Variants in GTF3C1 observed in about 807,000 individuals in gnomAD.
GTF3C1 encodes the protein general transcription factor IIIC subunit 1.
Under a neutral mutation model 226.7 loss-of-function variants are expected in GTF3C1, and 57 were observed. The ratio of observed to expected loss-of-function variants is 0.25; its 90% CI spans 0.20 to 0.31. GTF3C1 has a LOEUF of 0.31. GTF3C1 is among the 10% of genes least tolerant of loss of function. GTF3C1 has a pLI of 1.00. For synonymous variants in GTF3C1, 1,090 were observed against 1,084.8 expected (o/e 1.00, Z -0.09); for missense variants, 2,217 against 2,776.1 (o/e 0.80, Z 4.53).
intron 6 of GTF3C1, among the ~76,000 whole-genome samples, chr16:27,527,587 T>A (rs2088852494): frequency 6.6e-6 from 1 of 152,230 alleles, no homozygotes; most frequent in African/African-American, 2.4e-5. Context: ...TTCTGTAAGT[T>A]ACTCAGCATC....
At position 27,463,768 on chromosome 16, in the gene GTF3C1, G is replaced by A; in HGVS notation, c.5873-176C>T. Reference sequence around the variant, plus strand: ...GAGCGGCCACCCTGGAGGTGGCAGGGCCGGGCAGACTGCCGCACACAGCGC... The same window carrying A: ...GAGCGGCCACCCTGGAGGTGGCAGGACCGGGCAGACTGCCGCACACAGCGC... On this transcript the variant is annotated intron_variant, in intron 34 of 36. Transcript: ENST00000356183. The surrounding 1 kb of genome is among the most constrained non-coding windows in gnomAD (Gnocchi z 4.9). The A allele has an allele frequency of 1.5e-6, 1 of 650,416 alleles. No individual in the cohort carries two copies. Among genetic ancestry groups the A allele is most frequent in the South Asian group, 1.7e-5 (1 of 59,630 alleles). The allele number at this position is 650,416 out of a possible 1,614,324, so 40.3% of individuals were successfully genotyped here. A position where few individuals can be genotyped will look rare whatever the true frequency, so the allele number is the denominator to read the frequency against.
chr16:27,464,301 G>C lies in GTF3C1; in HGVS notation c.5872+19C>G. On this transcript the variant is annotated intron_variant, in intron 34 of 36. Transcript: ENST00000356183. Reference sequence around the variant, plus strand: ...GCCAGGGTGGGGTGAGGTGGGGTGGGGGACAAGGCGCGCGGTACCTCTGGG... The same window carrying C: ...GCCAGGGTGGGGTGAGGTGGGGTGGCGGACAAGGCGCGCGGTACCTCTGGG... 7.0e-7 allele frequency: 1 copy of C among 1,433,304 alleles called. No homozygotes were observed. Among genetic ancestry groups the C allele is most frequent in the Non-Finnish European group, 9.2e-7 (1 of 1,088,546 alleles). 88.8% of individuals were successfully genotyped at this position (1,433,304 alleles called of 1,614,324 possible).
chr16:27,519,077 A>T (rs1449226635), intron 6 of GTF3C1, among the ~76,000 whole-genome samples: 1 of 152,166 alleles, frequency 6.6e-6, no homozygotes, highest in African/African-American at 2.4e-5. Flanking sequence ...AGAAAGAGAC[A>T]GGATGGGGCT....
chr16:27,526,606 T>C (rs964037203), intron 6 of GTF3C1, among the ~76,000 whole-genome samples: 7 of 152,262 alleles, frequency 4.6e-5, no homozygotes, highest in African/African-American at 1.7e-4. Flanking sequence ...TGTCAGTTTT[T>C]GGCTATCGCC....
chr16:27,509,539 C>CTG (rs1680434040), intron 7 of GTF3C1, among the ~76,000 whole-genome samples: 1 of 151,772 alleles, frequency 6.6e-6, no homozygotes, highest in South Asian at 2.1e-4. Flanking sequence ...GGGCGGATCA[C>CTG]GAGGTCAGGA....
rs762657059 is a variant in GTF3C1 at position 27,511,950 on chromosome 16, C to T, written c.974-49G>A. On this transcript the variant is annotated intron_variant, in intron 6 of 36. Transcript: ENST00000356183. The stretch of plus-strand genomic sequence containing the variant: ...CCAGCAATGAGTGAAAGCAGTGCTG[C>T]GTGGGGGAGGTGAGGGGTTCTGAAA... The T allele has an allele frequency of 8.7e-6, 14 of 1,602,754 alleles. No individual in the cohort carries two copies. In the Admixed American group the frequency reaches 1.0e-4, roughly 11 times the overall value.
At position 27,497,962 on chromosome 16, in the gene GTF3C1, A is replaced by G. The variant is rs2088345546; in HGVS notation, c.2166-141T>C. ...GCTCCTTGTAGGGGCCAGGGAGATG[A>G]TGCAAACAAAATGTCAGGTCACTGA... On this transcript the variant is annotated intron_variant, in intron 13 of 36. Coordinates refer to ENST00000356183, the MANE Select transcript of GTF3C1 (RefSeq NM_001520.4). The G allele has an allele frequency of 1.4e-5, 9 of 651,084 alleles. No homozygotes were observed. The South Asian group carries it at 2.2e-4, about 16-fold the overall frequency. 40.3% of individuals were successfully genotyped at this position (651,084 alleles called of 1,614,324 possible).
At chr16:27,514,662 T>C (rs1201350232) in intron 6 of GTF3C1, among the ~76,000 whole-genome samples, 1 of 152,120 alleles carries the variant, frequency 6.6e-6, no homozygotes, top group Admixed American at 6.5e-5. Context: ...GATGCTGTCC[T>C]AGGCTCCCCG....
intron 2 of GTF3C1, among the ~76,000 whole-genome samples, chr16:27,539,005 T>C (rs1399093048): frequency 8.5e-6 from 1 of 117,744 alleles, no homozygotes; most frequent in East Asian, 3.0e-4. Context: ...CACACTCATC[T>C]TTTTTTTTTT....
chr16:27,530,101 T>C (rs1015640108), intron 5 of GTF3C1, among the ~76,000 whole-genome samples: 2 of 152,304 alleles, frequency 1.3e-5, no homozygotes, highest in Middle Eastern at 3.4e-3. Flanking sequence ...CACTGAATCT[T>C]ACAGCTTTCC....
At chr16:27,489,266 T>C (rs965763448) in intron 20 of GTF3C1, 88 bp from the exon 21 acceptor site, 2 of 1,443,002 alleles carry the variant, frequency 1.4e-6, no homozygotes, top group Non-Finnish European at 1.9e-6. Flanking sequence ...GACATTTATT[T>C]ATAACCAACT....
At chr16:27,544,661 T>G (rs913879296) in intron 2 of GTF3C1, among the ~76,000 whole-genome samples, 1 of 151,950 alleles carries the variant, frequency 6.6e-6, no homozygotes, top group Non-Finnish European at 1.5e-5. Context: ...GTTAGGTGCT[T>G]GAAAAAAAAT....
At position 27,538,333 on chromosome 16, in the gene GTF3C1, A is replaced by G. The variant is rs2089032093; in HGVS notation, c.455T>C (p.Val152Ala). 6.4e-7 allele frequency: 1 copy of G among 1,560,646 alleles called. No individual in the cohort carries two copies. The highest frequency in any genetic ancestry group is 8.6e-7 in the Non-Finnish European group (1 of 1,156,356). The part of the protein sequence containing the change: ...FDRWGKKLII[V>A]ASQAMRYRAL... ...CCTGTACCGCATGGCCTGGGAGGCA[A>G]CGATGATCAGTTTCTTCCCCCACCT... Residue 152 changes from valine (V) to alanine (A), a missense_variant, in exon 3 of 37, where the codon GTT becomes GCT. Physicochemically the swap from Val to Ala is moderately conservative, Grantham distance 64 (BLOSUM62 0). This residue lies in a region of GTF3C1 where 192 missense variants were observed against 251.8 expected (regional missense o/e 0.76). Coordinates refer to ENST00000356183, the MANE Select transcript of GTF3C1 (RefSeq NM_001520.4).
intron 4 of GTF3C1, among the ~76,000 whole-genome samples, chr16:27,535,664 G>A (rs1015683461): frequency 2.6e-5 from 4 of 151,276 alleles, no homozygotes; most frequent in African/African-American, 9.7e-5. Flanking sequence ...AGTAAAAAGT[G>A]ATCTCTTCTG....
intron 23 of GTF3C1, among the ~76,000 whole-genome samples, chr16:27,486,644 G>C (rs1439654026): frequency 6.6e-6 from 1 of 152,186 alleles, no homozygotes; most frequent in Admixed American, 6.5e-5. Context: ...GGGCCATGGA[G>C]AGGGTGGAAG....
At chr16:27,484,070 G>A (rs2088097687) in intron 25 of GTF3C1, 141 bp downstream of exon 25, 3 of 654,326 alleles carry the variant, frequency 4.6e-6, no homozygotes, top group Admixed American at 2.5e-5. Context: ...AAAAACCAAG[G>A]TCCATCTCCC....
Position 27,471,684 on chromosome 16 carries a change from C to T in GTF3C1, c.4526+64G>A, listed in dbSNP as rs2087872890. On this transcript the variant is annotated intron_variant, in intron 30 of 36. Transcript: ENST00000356183. This position sits in a 1 kb window ranked among gnomAD's most constrained non-coding sequence, Gnocchi z 5.0. Reference sequence around the variant, plus strand: ...TTTCATGGCCACAGTGCTTCCTTTGCTCCTCTTTACAGACAGGGCGTGGCT... The same window carrying T: ...TTTCATGGCCACAGTGCTTCCTTTGTTCCTCTTTACAGACAGGGCGTGGCT... The T allele has an allele frequency of 3.8e-6, 5 of 1,311,906 alleles. No homozygotes were observed. The highest frequency in any genetic ancestry group is 5.5e-6 in the Non-Finnish European group (5 of 916,982). The allele number at this position is 1,311,906 out of a possible 1,614,324, so 81.3% of individuals were successfully genotyped here.
chr16:27,504,780 T>C (rs1277723119), intron 10 of GTF3C1, among the ~76,000 whole-genome samples: 1 of 152,010 alleles, frequency 6.6e-6, no homozygotes, highest in Non-Finnish European at 1.5e-5. Flanking sequence ...CCAGGCGCAG[T>C]GGCATATGCT....
At chr16:27,465,562 T>TCAGAGGCAGCCCGA in intron 32 of GTF3C1, 22 bp from the exon 33 acceptor site, 2 of 1,582,186 alleles carry the variant, frequency 1.3e-6, no homozygotes, top group African/African-American at 2.7e-5. Context: ...CAGAGGAAGA[T>TCAGAGGCAGCCCGA]CAGAGGCAGC....
Sources: allele counts gnomAD v4.1 joint callset (sites outside exome capture counted in the v4.1 genomes callset), GRCh38; gene constraint gnomAD v4.1.1; regional missense constraint gnomAD v4.1.1; non-coding constraint Gnocchi (gnomAD v3.1); transcripts MANE v1.5; gene names NCBI Gene and HGNC (gene_info 2026-07-23, HGNC 2026-07-21).